The following ZC3HAV1 variants were observed in gnomAD, a reference collection of about 807,000 sequenced individuals.
ZC3HAV1 encodes the protein zinc finger CCCH-type antiviral protein 1.
In ZC3HAV1, 41 loss-of-function variants were observed where a neutral mutation model predicts 86.6. That is an observed-to-expected ratio of 0.47 (90% CI 0.37 to 0.61). ZC3HAV1 has a LOEUF of 0.61. ZC3HAV1 is among the 20% of genes least tolerant of loss of function. The probability of loss-of-function intolerance (pLI) is 0.00; values close to 1 mark genes in which losing one functional copy is unlikely to be tolerated. For synonymous variants in ZC3HAV1, 421 were observed against 432.1 expected (o/e 0.97, Z 0.32); for missense variants, 964 against 1,141.1 (o/e 0.84, Z 2.24).
chr7:139,073,623 G>A (rs561150993), intron 7 of ZC3HAV1, among the ~76,000 whole-genome samples: 133 of 151,864 alleles, frequency 8.8e-4, no homozygotes, highest in Middle Eastern at 3.4e-3. Context: ...CCAGAGTAGC[G>A]GGGATTATAG....
At chr7:139,048,838 T>C (rs1816037312) in intron 12 of ZC3HAV1, among the ~76,000 whole-genome samples, 1 of 152,146 alleles carries the variant, frequency 6.6e-6, no homozygotes, top group South Asian at 2.1e-4. Context: ...AGATACTAGA[T>C]ATTCTGTGCA....
At chr7:139,065,407 G>A (rs1341728814) in intron 7 of ZC3HAV1, among the ~76,000 whole-genome samples, 9 of 152,178 alleles carry the variant, frequency 5.9e-5, no homozygotes, top group Non-Finnish European at 1.0e-4. Flanking sequence ...TTCTAGCCAC[G>A]CACGGTTTAC....
At chr7:139,081,374 CCCT>C (rs1254197311) in intron 3 of ZC3HAV1, among the ~76,000 whole-genome samples, 1 of 152,074 alleles carries the variant, frequency 6.6e-6, no homozygotes, top group Non-Finnish European at 1.5e-5. Flanking sequence ...AAAGCAAACA[CCCT>C]CCTCCTGTCA....
chr7:139,047,818 T>C lies in ZC3HAV1; in HGVS notation c.2485A>G (p.Lys829Glu). The C allele has an allele frequency of 1.2e-6, 2 of 1,613,800 alleles. No individual in the cohort carries two copies. The highest frequency in any genetic ancestry group is 1.7e-6 in the Non-Finnish European group (2 of 1,179,976). ...YFAKDAIYSH[K>E]NCPYDAKNVV... Reference sequence around the variant, plus strand: ...TTTTTGGCATCATACGGGCAATTTTTGTGGGAATAGATGGCATCTTTTGCA... The same window carrying C: ...TTTTTGGCATCATACGGGCAATTTTCGTGGGAATAGATGGCATCTTTTGCA... The change falls in exon 13 of 13, where the codon AAA becomes GAA. Residue 829 changes from lysine (K) to glutamate (E), a missense_variant. Coordinates refer to ENST00000242351, the MANE Select transcript of ZC3HAV1 (RefSeq NM_020119.4).
intron 1 of ZC3HAV1, among the ~76,000 whole-genome samples, chr7:139,104,587 G>A (rs1225464408): frequency 1.3e-5 from 2 of 152,046 alleles, no homozygotes; most frequent in Non-Finnish European, 2.9e-5. Context: ...GCCAGGCGTG[G>A]TGGCAGGCGC....
At chr7:139,067,155 CT>C (rs1384766719) in intron 7 of ZC3HAV1, among the ~76,000 whole-genome samples, 4 of 150,758 alleles carry the variant, frequency 2.7e-5, no homozygotes, top group South Asian at 2.1e-4. Context: ...TTCTTTCTTT[CT>C]TTTTTTTTCA....
At chr7:139,053,320 T>C in intron 12 of ZC3HAV1, 131 bp downstream of exon 12, 2 of 1,102,140 alleles carry the variant, frequency 1.8e-6, no homozygotes, top group South Asian at 2.7e-5. Flanking sequence ...GTGAGCTTAC[T>C]GTCTCTCCAG....
intron 1 of ZC3HAV1, among the ~76,000 whole-genome samples, chr7:139,096,335 G>A (rs967470949): frequency 6.6e-6 from 1 of 152,102 alleles, no homozygotes; most frequent in African/African-American, 2.4e-5. Context: ...GATGATCAGA[G>A]AAAGTAGTTC....
At chr7:139,102,972 A>G (rs200228321) in intron 1 of ZC3HAV1, among the ~76,000 whole-genome samples, 200 of 87,978 alleles carry the variant, frequency 2.3e-3, no homozygotes, top group East Asian at 9.1e-3. Context: ...GTATATGTAT[A>G]TGTGTGTGTG....
intron 6 of ZC3HAV1, 128 bp from the exon 7 acceptor site, chr7:139,074,158 A>G: frequency 3.4e-6 from 3 of 883,278 alleles, no homozygotes; most frequent in African/African-American, 3.4e-5. Context: ...TTTTCTTTCC[A>G]TGGCTCCAGG....
At chr7:139,098,181 C>T (rs1343478897) in intron 1 of ZC3HAV1, among the ~76,000 whole-genome samples, 1 of 152,110 alleles carries the variant, frequency 6.6e-6, no homozygotes, top group African/African-American at 2.4e-5. Flanking sequence ...CTCAAGTGAG[C>T]CGCCTGCCTT....
intron 1 of ZC3HAV1, among the ~76,000 whole-genome samples, chr7:139,100,319 C>T (rs552908069): frequency 8.8e-4 from 134 of 151,858 alleles, no homozygotes; most frequent in African/African-American, 3.2e-3. Context: ...ATCACGAGGT[C>T]AGGAGATCGA....
intron 12 of ZC3HAV1, among the ~76,000 whole-genome samples, chr7:139,053,189 T>C (rs538534409): frequency 1.3e-5 from 2 of 152,152 alleles, no homozygotes; most frequent in Admixed American, 1.3e-4. Context: ...GATGGAGTAG[T>C]TTACAAGCAC....
At chr7:139,106,405 G>A (rs1817936454) in intron 1 of ZC3HAV1, among the ~76,000 whole-genome samples, 1 of 152,162 alleles carries the variant, frequency 6.6e-6, no homozygotes, top group South Asian at 2.1e-4. Context: ...TTGAGCTCAG[G>A]AGTTCGAGAC....
chr7:139,079,811 A>T lies in ZC3HAV1; in HGVS notation c.1130T>A (p.Phe377Tyr), dbSNP rs1490904087. 12 of 1,613,996 alleles carry T rather than the reference A, an allele frequency of 7.4e-6. No homozygotes were observed. The highest frequency in any genetic ancestry group is 3.3e-5 in the Admixed American group (2 of 59,996). The change falls in exon 4 of 13, where the codon TTT becomes TAT. Residue 377 changes from phenylalanine (F) to tyrosine (Y), a missense_variant. Phe to Tyr is a conservative substitution (Grantham distance 22). Transcript: ENST00000242351. ...NDQGARRKTV[F>Y]SPTLPAARSS... ...GCGGGCGGCAGGTAGCGTGGGAGAA[A>T]ACACAGTCTTTCTCCTGGCGCCTTG... is the stretch of plus-strand genomic sequence containing the variant.
chr7:139,044,181 T>A lies in ZC3HAV1; in HGVS notation c.*3413A>T, dbSNP rs1432907405. On this transcript the variant is annotated 3_prime_UTR_variant, in exon 13 of 13. Coordinates refer to ENST00000242351, the MANE Select transcript of ZC3HAV1 (RefSeq NM_020119.4). ...TTTGTCTTGTCCTATTATCCTTAAG[T>A]AAGGTAATTTCGCTCTTTCTTTTCC... 6.6e-6 allele frequency: 1 copy of A among 152,232 alleles called. No individual in the cohort carries two copies. The highest frequency in any genetic ancestry group is 1.5e-5 in the Non-Finnish European group (1 of 68,038). The allele number at this position is 152,232 out of a possible 1,614,324, so 9.4% of individuals were successfully genotyped here.
At chr7:139,097,415 TATATATATATA>T (rs1304083043) in intron 1 of ZC3HAV1, among the ~76,000 whole-genome samples, 16 of 80,004 alleles carry the variant, frequency 2.0e-4, no homozygotes, top group East Asian at 7.6e-4. Context: ...TATATATATA[TATATATATATA>T]TATTTTTTTT....
intron 1 of ZC3HAV1, among the ~76,000 whole-genome samples, chr7:139,100,775 GTCTCCC>G (rs1278716094): frequency 1.5e-5 from 2 of 131,412 alleles, no homozygotes; most frequent in African/African-American, 7.2e-5. Context: ...TCTTTCCACG[GTCTCCC>G]TCTCCCTCTC....
At position 139,079,471 on chromosome 7, in the gene ZC3HAV1, G is replaced by T. The variant is rs769047637; in HGVS notation, c.1470C>A (p.Asn490Lys). 1 of 1,613,890 alleles carries T rather than the reference G, an allele frequency of 6.2e-7. No individual in the cohort carries two copies. Among genetic ancestry groups the T allele is most frequent in the South Asian group, 1.1e-5 (1 of 91,068 alleles). The change falls in exon 4 of 13, where the codon AAC becomes AAA. Residue 490 changes from asparagine to lysine, a missense_variant and splice_region_variant. Transcript: ENST00000242351. ...AAAGTGTCTTCCCTTTGTATTTACC[G>T]TTAACAAGTGCTACTCTTGGGTCAG... ...DDADPRVALV[N>K]DSLSDVTSTT...
Sources: gnomAD v4.1 joint callset for allele counts (sites outside exome capture counted in the v4.1 genomes callset) on GRCh38, gnomAD v4.1.1 for gene constraint, MANE v1.5 for transcripts, NCBI Gene and HGNC (gene_info 2026-07-23, HGNC 2026-07-21) for gene names.